Variants in ZNF426 observed in about 807,000 individuals in gnomAD.
The protein encoded by ZNF426 is CTC-543D15.7.
A neutral mutation model predicts 24.0 loss-of-function variants in ZNF426; 23 were observed. That is an observed-to-expected ratio of 0.96 (90% CI 0.69 to 1.36). ZNF426 has a LOEUF of 1.36. Among genes scored for constraint, ZNF426 ranks in the 40% most tolerant of loss-of-function variants. ZNF426 has a pLI of 0.00. For synonymous variants in ZNF426, 272 were observed against 224.6 expected, an observed-to-expected ratio of 1.21 and a Z score of -1.89; for missense variants, 646 against 658.4, an observed-to-expected ratio of 0.98 and a Z score of 0.21.
chr19:9,536,554 A>G, intron 2 of ZNF426, 198 bp from the exon 3 acceptor site: 1 of 356,390 alleles, frequency 2.8e-6, no homozygotes, highest in Admixed American at 4.4e-5. Context: ...AAAAATAAAA[A>G]TAAGTAAACA....
intron 2 of ZNF426, among the ~76,000 whole-genome samples, chr19:9,537,356 T>C (rs2073982163): frequency 6.6e-6 from 1 of 151,798 alleles, no homozygotes; most frequent in African/African-American, 2.4e-5. Context: ...CTGGTATAGA[T>C]CACACCTACT....
Position 9,526,383 on chromosome 19 carries a change from G to C in ZNF426, c.*1997C>G, listed in dbSNP as rs1246616194. 1.3e-5 allele frequency: 2 copies of C among 151,988 alleles called. No homozygotes were observed. The highest frequency in any genetic ancestry group is 2.9e-5 in the Non-Finnish European group (2 of 68,022). The allele number at this position is 151,988 out of a possible 1,614,324, so 9.4% of individuals were successfully genotyped here. A position where few individuals can be genotyped will look rare whatever the true frequency, so the allele number is the denominator to read the frequency against. ...GCCATGGGTTCTACTGGATAAAGCA[G>C]ACAGCATCCAAGAACAGACAGGCAG... is the stretch of plus-strand genomic sequence containing the variant. On this transcript the variant is annotated 3_prime_UTR_variant, in exon 8 of 8. Coordinates refer to ENST00000253115, the MANE Select transcript of ZNF426 (RefSeq NM_024106.3).
intron 3 of ZNF426, among the ~76,000 whole-genome samples, chr19:9,535,761 C>T (rs997894855): frequency 6.6e-6 from 1 of 150,756 alleles, no homozygotes; most frequent in Non-Finnish European, 1.5e-5. Context: ...TTGAGCCCAA[C>T]AGTTTGAGGC....
chr19:9,530,129 A>T lies in ZNF426; in HGVS notation c.409-493T>A, dbSNP rs192036692. On this transcript the variant is annotated intron_variant, in intron 7 of 7. Transcript: ENST00000253115. The stretch of plus-strand genomic sequence containing the variant: ...AAGCGAGACTCCGTCTCAAAATAAT[A>T]ATAATAATAATAATAACAGATTTCT... Among the ~76,000 whole-genome samples, 7 of 152,006 alleles carry T rather than the reference A, an allele frequency of 4.6e-5. No homozygotes were observed. In the East Asian group the frequency reaches 1.2e-3, roughly 25 times the overall value.
Position 9,526,868 on chromosome 19 carries a change from G to A in ZNF426, c.*1512C>T, listed in dbSNP as rs889208119. On this transcript the variant is annotated 3_prime_UTR_variant, in exon 8 of 8. Transcript: ENST00000253115. The stretch of plus-strand genomic sequence containing the variant: ...AAATGCTTTAAGTATTGAGGATCAA[G>A]TATAAGAATTACATCCAACTTTGAG... 6.6e-6 allele frequency: 1 copy of A among 152,104 alleles called. No individual in the cohort carries two copies. Among genetic ancestry groups the A allele is most frequent in the Non-Finnish European group, 1.5e-5 (1 of 68,026 alleles). 9.4% of individuals were successfully genotyped at this position (152,104 alleles called of 1,614,324 possible).
chr19:9,529,396 T>C lies in ZNF426; in HGVS notation c.649A>G (p.Thr217Ala). ...SLTPNIVYQR[T>A]STQEKSFECS... ...TCAAATGACTTTTCTTGTGTGCTAG[T>C]TCTCTGGTATACAATATTTGGTGTC... Residue 217 changes from threonine to alanine, a missense_variant, in exon 8 of 8, where the codon ACT becomes GCT. Transcript: ENST00000253115. The C allele has an allele frequency of 1.2e-6, 2 of 1,613,970 alleles. No individual in the cohort carries two copies. The highest frequency in any genetic ancestry group is 8.5e-7 in the Non-Finnish European group (1 of 1,179,974).
intron 6 of ZNF426, among the ~76,000 whole-genome samples, chr19:9,531,340 A>G (rs961501414): frequency 5.3e-5 from 8 of 152,068 alleles, no homozygotes; most frequent in African/African-American, 1.7e-4. Flanking sequence ...AGCTCAGATC[A>G]CACCACTGCA....
At chr19:9,533,064 G>A in intron 5 of ZNF426, 139 bp from the exon 6 acceptor site, 4 of 701,624 alleles carry the variant, frequency 5.7e-6, no homozygotes, top group South Asian at 5.5e-5. Context: ...AACTCTGACT[G>A]TGCCCCAAAC....
chr19:9,528,335 A>G lies in ZNF426; in HGVS notation c.*45T>C. 1 of 1,523,050 alleles carries G rather than the reference A, an allele frequency of 6.6e-7. No homozygotes were observed. The highest frequency in any genetic ancestry group is 8.8e-7 in the Non-Finnish European group (1 of 1,134,566). The allele number at this position is 1,523,050 out of a possible 1,614,324, so 94.3% of individuals were successfully genotyped here. A position where few individuals can be genotyped will look rare whatever the true frequency, so the allele number is the denominator to read the frequency against. ...CATTCATGTCTTTAAAGTGAACTGG[A>G]ACAAATGAGAGCTTTCCCACATTTA... is the stretch of plus-strand genomic sequence containing the variant. On this transcript the variant is annotated 3_prime_UTR_variant, in exon 8 of 8. Coordinates refer to ENST00000253115, the MANE Select transcript of ZNF426 (RefSeq NM_024106.3).
At chr19:9,533,995 G>A in intron 4 of ZNF426, 29 bp from the exon 5 acceptor site, 1 of 1,607,562 alleles carries the variant, frequency 6.2e-7, no homozygotes. Flanking sequence ...GCTGGTTGGA[G>A]CCAAGTAACA....
rs373750539 is a variant in ZNF426 at position 9,532,841 on chromosome 19, T to G, written c.325+4A>C. ...AACCAGAGTTGTTCTTCATGAACACTCACCTTGGAGAACTCCTCCCTGAAC... is the reference window on the plus strand; with the variant it reads ...AACCAGAGTTGTTCTTCATGAACACGCACCTTGGAGAACTCCTCCCTGAAC... On this transcript the variant is annotated splice_donor_region_variant and intron_variant, in intron 6 of 7. Coordinates refer to ENST00000253115, the MANE Select transcript of ZNF426 (RefSeq NM_024106.3). 16 of 1,610,554 alleles carry G rather than the reference T, an allele frequency of 9.9e-6. No homozygotes were observed. Among genetic ancestry groups the G allele is most frequent in the Non-Finnish European group, 1.3e-5 (15 of 1,177,636 alleles).
intron 7 of ZNF426, 124 bp downstream of exon 7, chr19:9,530,861 C>A: frequency 1.4e-6 from 1 of 705,644 alleles, no homozygotes; most frequent in Non-Finnish European, 2.5e-6. Flanking sequence ...TCCCTAAATT[C>A]TTTGCTCCCT....
rs552198157 is a variant in ZNF426 at position 9,535,213 on chromosome 19, G to C, written c.92C>G (p.Ala31Gly). ...CTGATAACAATCTGTTAGGCAGTCA[G>C]CCACTATTCTTCCTGCTGGTGTCTT... ...EEKTPAGRIV[A>G]DCLTDCYQDS... is the part of the protein sequence containing the mutation. The change falls in exon 4 of 8, where the codon GCT becomes GGT. Residue 31 changes from alanine to glycine, a missense_variant. Coordinates refer to ENST00000253115, the MANE Select transcript of ZNF426 (RefSeq NM_024106.3). 1.9e-6 allele frequency: 3 copies of C among 1,613,402 alleles called. No homozygotes were observed. Among genetic ancestry groups the C allele is most frequent in the Non-Finnish European group, 2.5e-6 (3 of 1,179,554 alleles).
At chr19:9,532,737 T>C (rs1050575770) in intron 6 of ZNF426, 108 bp downstream of exon 6, 1 of 745,210 alleles carries the variant, frequency 1.3e-6, no homozygotes, top group African/African-American at 1.8e-5. Flanking sequence ...TCTCTAAACC[T>C]TGGGGTTTAG....
Position 9,526,667 on chromosome 19 carries a change from A to T in ZNF426, c.*1713T>A, listed in dbSNP as rs2073795042. ...AGGAAATACCAGATGGAAAGAAAAA[A>T]AAAGGGAAACAATGACAGAATTTCT... On this transcript the variant is annotated 3_prime_UTR_variant, in exon 8 of 8. Coordinates refer to ENST00000253115, the MANE Select transcript of ZNF426 (RefSeq NM_024106.3). 1 of 152,200 alleles carries T rather than the reference A, an allele frequency of 6.6e-6. No homozygotes were observed. The highest frequency in any genetic ancestry group is 2.1e-4 in the South Asian group (1 of 4,834). The allele number at this position is 152,200 out of a possible 1,614,324, so 9.4% of individuals were successfully genotyped here.
rs2073770965 is a variant in ZNF426 at position 9,524,387 on chromosome 19, T to C, written c.*3993A>G. On this transcript the variant is annotated 3_prime_UTR_variant, in exon 8 of 8. Coordinates refer to ENST00000253115, the MANE Select transcript of ZNF426 (RefSeq NM_024106.3). ...TTCTACAATGTGACTGTTCACATCT[T>C]TCATGTAAATGGGAACAACAGAGAG... is the stretch of plus-strand genomic sequence containing the variant. The C allele has an allele frequency of 6.6e-6, 1 of 151,798 alleles. No homozygotes were observed. Among genetic ancestry groups the C allele is most frequent in the African/African-American group, 2.4e-5 (1 of 41,026 alleles). The allele number at this position is 151,798 out of a possible 1,614,324, so 9.4% of individuals were successfully genotyped here. A position where few individuals can be genotyped will look rare whatever the true frequency, so the allele number is the denominator to read the frequency against.
chr19:9,530,974 G>A lies in ZNF426; in HGVS notation c.408+11C>T, dbSNP rs756171629. ...GGGTGGAAAATAAAAAATATCCTAT[G>A]CAAATCTTACCAATTGTATCCCAAT... is the stretch of plus-strand genomic sequence containing the variant. On this transcript the variant is annotated intron_variant, in intron 7 of 7. Transcript: ENST00000253115. The A allele has an allele frequency of 4.4e-6, 7 of 1,603,106 alleles. No individual in the cohort carries two copies. The South Asian group carries it at 5.5e-5, about 13-fold the overall frequency.
rs749756412 is a variant in ZNF426 at position 9,529,651 on chromosome 19, A to C, written c.409-15T>G. The C allele has an allele frequency of 6.4e-7, 1 of 1,566,588 alleles. No individual in the cohort carries two copies. Among genetic ancestry groups the C allele is most frequent in the Non-Finnish European group, 8.6e-7 (1 of 1,165,644 alleles). ...TGTTTTCCTTCCTGTTGAAGGGATG[A>C]TGATGATTTAAGGATTTTTCTCAAA... is the stretch of plus-strand genomic sequence containing the variant. On this transcript the variant is annotated splice_polypyrimidine_tract_variant and intron_variant, in intron 7 of 7. Coordinates refer to ENST00000253115, the MANE Select transcript of ZNF426 (RefSeq NM_024106.3).
Position 9,527,990 on chromosome 19 carries a change from CT to C in ZNF426, c.*389del, listed in dbSNP as rs201978637. The C allele has an allele frequency of 0.011, 1,506 of 141,276 alleles. 4 individuals are homozygous for C. Among genetic ancestry groups the C allele is most frequent in the Admixed American group, 0.012 (174 of 14,512 alleles). The allele number at this position is 141,276 out of a possible 1,614,324, so 8.8% of individuals were successfully genotyped here. A position where few individuals can be genotyped will look rare whatever the true frequency, so the allele number is the denominator to read the frequency against. ...AGACTCAATTTAATCAAATAATTTT[CT>C]TTTTTTTTTTTTTTTGAGATGGAGT... is the stretch of plus-strand genomic sequence containing the variant. On this transcript the variant is annotated 3_prime_UTR_variant, in exon 8 of 8. Coordinates refer to ENST00000253115, the MANE Select transcript of ZNF426 (RefSeq NM_024106.3).
Sources: gnomAD v4.1 joint callset for allele counts (sites outside exome capture counted in the v4.1 genomes callset) on GRCh38, gnomAD v4.1.1 for gene constraint, MANE v1.5 for transcripts, NCBI Gene and HGNC (gene_info 2026-07-23, HGNC 2026-07-21) for gene names.